The following USP32 variants were observed in gnomAD, a reference collection of about 807,000 sequenced individuals.
The protein encoded by USP32 is ubiquitin carboxyl-terminal hydrolase 32.
Under a neutral mutation model 204.8 loss-of-function variants are expected in USP32, and 59 were observed. The ratio of observed to expected loss-of-function variants is 0.29; its 90% CI spans 0.23 to 0.36. The LOEUF is 0.36. Among genes scored for constraint, USP32 ranks in the 10% least tolerant of loss-of-function variants. USP32 has a pLI of 1.00. For synonymous variants in USP32, 517 were observed against 678.4 expected, an observed-to-expected ratio of 0.76 and a Z score of 3.70; for missense variants, 1,160 against 1,946.4, an observed-to-expected ratio of 0.60 and a Z score of 7.60.
At chr17:60,408,386 T>A (rs2089994693) in intron 1 of USP32, among the ~76,000 whole-genome samples, 1 of 149,004 alleles carries the variant, frequency 6.7e-6, no homozygotes, top group African/African-American at 2.5e-5. Context: ...CTGGCTCAAC[T>A]TTTTTTTTTG....
chr17:60,289,919 A>G (rs75381600), intron 4 of USP32, among the ~76,000 whole-genome samples: 3,216 of 152,210 alleles, frequency 0.021, 134 homozygotes, highest in African/African-American at 0.073. Context: ...GTAGCATCCC[A>G]TTAAGTGAGG....
At chr17:60,319,892 C>T (rs750184028) in intron 2 of USP32, among the ~76,000 whole-genome samples, 2 of 152,092 alleles carry the variant, frequency 1.3e-5, no homozygotes, top group South Asian at 2.1e-4. Flanking sequence ...TTAAAGTATA[C>T]GGGGGTGAGG....
chr17:60,230,664 C>G (rs1450975077), intron 12 of USP32, among the ~76,000 whole-genome samples: 1 of 152,194 alleles, frequency 6.6e-6, no homozygotes, highest in Non-Finnish European at 1.5e-5. Context: ...ATTACAGGAA[C>G]CTGATGCTCT....
chr17:60,366,039 G>A (rs1053994439), intron 1 of USP32, among the ~76,000 whole-genome samples: 1 of 152,120 alleles, frequency 6.6e-6, no homozygotes, highest in Non-Finnish European at 1.5e-5. Flanking sequence ...GTGCAATGGC[G>A]CGATCTCGGC....
chr17:60,319,133 T>C (rs1036371271), intron 2 of USP32, among the ~76,000 whole-genome samples: 3 of 152,126 alleles, frequency 2.0e-5, no homozygotes, highest in Non-Finnish European at 4.4e-5. Flanking sequence ...GAGTTTCTGT[T>C]TGGGATGATG....
chr17:60,224,527 G>A (rs1266400113), intron 13 of USP32, among the ~76,000 whole-genome samples: 1 of 152,222 alleles, frequency 6.6e-6, no homozygotes, highest in African/African-American at 2.4e-5. Context: ...GCTCATGCCT[G>A]TAATCTCAGC....
rs182578559 is a variant in USP32, at chr17:60,411,272, C to A, written c.106+10974G>T. ...CCAGGAGGTGGAGGTTGCGGTGAGC[C>A]GAGATTGCCCGATTGCACTCCAGCC... is the stretch of plus-strand genomic sequence containing the variant. On this transcript the variant is annotated intron_variant, in intron 1 of 3. Coordinates refer to the USP32 transcript ENST00000588898. Among the ~76,000 whole-genome samples, 1,431 of 151,072 alleles carry A rather than the reference C, an allele frequency of 9.5e-3. 30 individuals carry two copies. The highest frequency in any genetic ancestry group is 0.033 in the African/African-American group (1,376 of 41,122).
chr17:60,337,154 C>G (rs1234197358), intron 2 of USP32, among the ~76,000 whole-genome samples: 1 of 152,142 alleles, frequency 6.6e-6, no homozygotes, highest in Non-Finnish European at 1.5e-5. Context: ...CTCCCTAAAC[C>G]TAGACTATCT....
chr17:60,414,258 G>C (rs2090042269), intron 1 of USP32, among the ~76,000 whole-genome samples: 1 of 151,828 alleles, frequency 6.6e-6, no homozygotes, highest in Non-Finnish European at 1.5e-5. Context: ...AGCTACTCGG[G>C]AGGCTGTGGC....
intron 5 of USP32, among the ~76,000 whole-genome samples, chr17:60,283,134 A>T (rs998597933): frequency 1.3e-5 from 2 of 152,358 alleles, no homozygotes; most frequent in East Asian, 1.9e-4. Flanking sequence ...GATGACAAAC[A>T]ATCATCTCAA....
At chr17:60,271,172 G>A (rs1423798492) in intron 6 of USP32, among the ~76,000 whole-genome samples, 178 bp downstream of exon 6, 1 of 152,180 alleles carries the variant, frequency 6.6e-6, no homozygotes, top group Admixed American at 6.5e-5. Flanking sequence ...GGTTATAACA[G>A]GTAGAATATC....
chr17:60,389,000 A>G (rs1223407601), intron 1 of USP32, among the ~76,000 whole-genome samples: 4 of 152,126 alleles, frequency 2.6e-5, no homozygotes. Context: ...TTTAAATACT[A>G]CCTGTGTCTA....
chr17:60,262,434 C>T (rs1446454511), intron 9 of USP32, among the ~76,000 whole-genome samples: 3 of 152,194 alleles, frequency 2.0e-5, no homozygotes, highest in South Asian at 2.1e-4. Flanking sequence ...TCAGGTGATC[C>T]GCCCACTGTG....
At chr17:60,367,767 C>T (rs1208301673) in intron 1 of USP32, among the ~76,000 whole-genome samples, 1 of 152,144 alleles carries the variant, frequency 6.6e-6, no homozygotes, top group Non-Finnish European at 1.5e-5. Flanking sequence ...GACATGGCCC[C>T]ACTGTACTCC....
intron 14 of USP32, 75 bp from the exon 15 acceptor site, chr17:60,222,624 AG>A: frequency 7.0e-7 from 1 of 1,437,710 alleles, no homozygotes. Flanking sequence ...ACCTAGAAAC[AG>A]GAAAACAAAC....
intron 1 of USP32, among the ~76,000 whole-genome samples, chr17:60,383,730 T>C (rs1449179704): frequency 1.3e-5 from 2 of 152,188 alleles, no homozygotes; most frequent in South Asian, 2.1e-4. Context: ...CAAGCCAGAA[T>C]AGGTTCCAAG....
chr17:60,234,175 G>A (rs1167801108), intron 12 of USP32, among the ~76,000 whole-genome samples: 1 of 150,314 alleles, frequency 6.7e-6, no homozygotes, highest in Non-Finnish European at 1.5e-5. Context: ...GTGCAGTGAC[G>A]CGATCTCGGC....
upstream of USP32, chr17:60,392,208 C>T (rs116218857): frequency 1.3e-3 from 687 of 510,000 alleles, 4 homozygotes; most frequent in East Asian, 7.1e-3. Flanking sequence ...CCCTCTCCTT[C>T]CCTCCTCACG....
chr17:60,327,617 A>G (rs1430100508), intron 2 of USP32, among the ~76,000 whole-genome samples: 2 of 152,124 alleles, frequency 1.3e-5, no homozygotes, highest in Non-Finnish European at 2.9e-5. Context: ...ACCAGGCTGC[A>G]AGGAGATGCG....
Sources: allele counts gnomAD v4.1 joint callset (sites outside exome capture counted in the v4.1 genomes callset), GRCh38; gene constraint gnomAD v4.1.1; transcripts MANE v1.5; gene names NCBI Gene and HGNC (gene_info 2026-07-23, HGNC 2026-07-21).